CCDC116: variants seen among roughly 807,000 people sequenced by gnomAD.
The protein encoded by CCDC116 is coiled-coil domain containing 116, also known as coiled-coil domain-containing protein 116.
CCDC116 carries 24 observed loss-of-function variants against 29.4 expected under a neutral mutation model. That is an observed-to-expected ratio of 0.82 (90% CI 0.59 to 1.15). The LOEUF (loss-of-function observed/expected upper bound fraction) is 1.15. Among genes scored for constraint, CCDC116 ranks in the 50% most tolerant of loss-of-function variants. CCDC116 has a pLI of 0.00. For synonymous variants in CCDC116, 298 were observed against 331.4 expected (o/e 0.90, Z 1.10); for missense variants, 791 against 804.0 (o/e 0.98, Z 0.20).
At position 21,634,044 on chromosome 22, in the gene CCDC116, T is replaced by C; in HGVS notation, c.95T>C (p.Leu32Pro). The C allele has an allele frequency of 1.2e-6, 2 of 1,610,510 alleles. No homozygotes were observed. The highest frequency in any genetic ancestry group is 1.7e-6 in the Non-Finnish European group (2 of 1,178,020). Residue 32 changes from leucine to proline, a missense_variant, in exon 3 of 5, where the codon CTG becomes CCG. Leu to Pro is a moderately conservative substitution (Grantham distance 98, BLOSUM62 -3). Coordinates refer to ENST00000292779, the MANE Select transcript of CCDC116 (RefSeq NM_152612.3). Reference sequence around the variant, plus strand: ...CAGGTGCAGCTGCCCAAGAAGCCACTGGTCCCAGAAATGCGGCCAGCCTGC... The same window carrying C: ...CAGGTGCAGCTGCCCAAGAAGCCACCGGTCCCAGAAATGCGGCCAGCCTGC... Reference protein sequence around the residue: ...SARVQLPKKPLVPEMRPACKP... With the variant: ...SARVQLPKKPPVPEMRPACKP...
intron 4 of CCDC116, chr22:21,635,520 T>C: frequency 1.4e-6 from 1 of 703,128 alleles, no homozygotes; most frequent in South Asian, 1.5e-5. Context: ...TCCTGCTACC[T>C]TCTCCCTGAG....
Position 21,634,036 on chromosome 22 carries a change from G to T in CCDC116, c.87G>T (p.Lys29Asn), listed in dbSNP as rs773358111. 28 of 1,607,846 alleles carry T rather than the reference G, an allele frequency of 1.7e-5. No individual in the cohort carries two copies. In the Middle Eastern group the frequency reaches 5.2e-4, roughly 30 times the overall value. Residue 29 changes from lysine (K) to asparagine (N), a missense_variant, in exon 3 of 5, where the codon AAG (lysine) becomes AAT (asparagine). Physicochemically the swap from Lys to Asn is moderately conservative, Grantham distance 94 (BLOSUM62 0). Transcript: ENST00000292779. ...TGTCTGCTCAGGTGCAGCTGCCCAA[G>T]AAGCCACTGGTCCCAGAAATGCGGC... Reference protein sequence around the residue: ...SMCSARVQLPKKPLVPEMRPA... With the variant: ...SMCSARVQLPNKPLVPEMRPA...
intron 2 of CCDC116, among the ~76,000 whole-genome samples, chr22:21,633,607 G>A (rs1930642389): frequency 6.6e-6 from 1 of 152,192 alleles, no homozygotes; most frequent in South Asian, 2.1e-4. Flanking sequence ...GACCTCAGAT[G>A]TTGTTTGCAG....
Position 21,637,029 on chromosome 22 carries a change from G to C in CCDC116, c.1801G>C (p.Asp601His). The change falls in exon 5 of 5, where the codon GAT becomes CAT. Residue 601 changes from aspartate (D) to histidine (H), a missense_variant. By Grantham distance (81) the Asp-to-His change is moderately conservative. Transcript: ENST00000292779. ...AGATGAAGATGAGGATGAGTTCAAG[G>C]ATGAAGACCAGGATGAGGACAAGGA... ...IEDEDEDEFKDEDQDEDKDED... is the reference protein window; with the variant it reads ...IEDEDEDEFKHEDQDEDKDED... 1 of 1,613,270 alleles carries C rather than the reference G, an allele frequency of 6.2e-7. No homozygotes were observed. Among genetic ancestry groups the C allele is most frequent in the Non-Finnish European group, 8.5e-7 (1 of 1,180,008 alleles).
rs754312916 is a variant in CCDC116 at position 21,635,022 on chromosome 22, C to T, written c.959C>T (p.Ala320Val). 3.1e-6 allele frequency: 5 copies of T among 1,610,886 alleles called. No homozygotes were observed. Among genetic ancestry groups the T allele is most frequent in the South Asian group, 1.1e-5 (1 of 91,080 alleles). The change falls in exon 4 of 5, where the codon GCT (alanine) becomes GTT (valine). Residue 320 changes from alanine to valine, a missense_variant. By Grantham distance (64) the Ala-to-Val change is moderately conservative (BLOSUM62 0). Transcript: ENST00000292779. ...FPALQSVVSQ[A>V]VDKLRGAHCR... ...GCCCTGCAAAGCGTGGTCAGCCAGGCTGTGGATAAGCTCCGTGGCGCCCAC... is the reference window on the plus strand; with the variant it reads ...GCCCTGCAAAGCGTGGTCAGCCAGGTTGTGGATAAGCTCCGTGGCGCCCAC...
rs778835689 is a variant in CCDC116 at position 21,633,174 on chromosome 22, G to A, written c.-8G>A. The A allele has an allele frequency of 1.2e-5, 19 of 1,550,490 alleles. No individual in the cohort carries two copies. In the South Asian group the frequency reaches 1.7e-4, roughly 14 times the overall value. ...GGCAGCAGGCCCGGTCACCTGCCAG[G>A]TGACCACATGGCCAGGTGCCGCCAC... is the stretch of plus-strand genomic sequence containing the variant. On this transcript the variant is annotated 5_prime_UTR_variant, in exon 2 of 5. It adds an upstream start codon to the 5' untranslated region. Coordinates refer to ENST00000292779, the MANE Select transcript of CCDC116 (RefSeq NM_152612.3).
At chr22:21,636,291 C>A in intron 4 of CCDC116, 141 bp from the exon 5 acceptor site, 1 of 714,184 alleles carries the variant, frequency 1.4e-6, no homozygotes, top group Non-Finnish European at 2.3e-6. Context: ...GTGTTTGTCA[C>A]ACTAAGGGTA....
chr22:21,637,250 T>G lies in CCDC116; in HGVS notation c.*180T>G. The G allele has an allele frequency of 1.2e-6, 1 of 807,836 alleles. No homozygotes were observed. The highest frequency in any genetic ancestry group is 1.8e-6 in the Non-Finnish European group (1 of 551,026). 50.0% of individuals were successfully genotyped at this position (807,836 alleles called of 1,614,324 possible). A position where few individuals can be genotyped will look rare whatever the true frequency, so the allele number is the denominator to read the frequency against. The stretch of plus-strand genomic sequence containing the variant: ...CAGGCTGAATGCCCACGAGGAGCTC[T>G]GCTGAGACTCTCAAGGGAGCCAGTG... On this transcript the variant is annotated 3_prime_UTR_variant, in exon 5 of 5. Transcript: ENST00000292779.
At position 21,636,779 on chromosome 22, in the gene CCDC116, C is replaced by G; in HGVS notation, c.1551C>G (p.Ser517=). The change falls in exon 5 of 5, where the codon TCC becomes TCG. Residue 517 remains serine, a synonymous_variant. Coordinates refer to ENST00000292779, the MANE Select transcript of CCDC116 (RefSeq NM_152612.3). ...RARQASRLST[S]HCSTETPSVQ... is the part of the protein sequence containing the mutation. ...GGCAGGCCTCCCGGCTCAGCACCTC[C>G]CACTGCAGCACAGAGACACCCTCTG... 2 of 1,612,858 alleles carry G rather than the reference C, an allele frequency of 1.2e-6. No homozygotes were observed. The highest frequency in any genetic ancestry group is 1.7e-6 in the Non-Finnish European group (2 of 1,179,992).
At chr22:21,635,402 C>T in intron 4 of CCDC116, 136 bp downstream of exon 4, 1 of 829,260 alleles carries the variant, frequency 1.2e-6, no homozygotes, top group South Asian at 1.4e-5. Context: ...CTGGCAGGGC[C>T]TGCACCTCAC....
At chr22:21,636,374 G>C (rs1389902405) in intron 4 of CCDC116, 58 bp from the exon 5 acceptor site, 7 of 1,522,908 alleles carry the variant, frequency 4.6e-6, no homozygotes, top group Non-Finnish European at 6.2e-6. Context: ...GGGTGTCACA[G>C]AGGGATGGGG....
chr22:21,637,029 G>A lies in CCDC116; in HGVS notation c.1801G>A (p.Asp601Asn), dbSNP rs1311174989. The change falls in exon 5 of 5, where the codon GAT (aspartate) becomes AAT (asparagine). Residue 601 changes from aspartate to asparagine, a missense_variant. Asp to Asn is a conservative substitution (Grantham distance 23, BLOSUM62 1). Transcript: ENST00000292779. ...AGATGAAGATGAGGATGAGTTCAAGGATGAAGACCAGGATGAGGACAAGGA... is the reference window on the plus strand; with the variant it reads ...AGATGAAGATGAGGATGAGTTCAAGAATGAAGACCAGGATGAGGACAAGGA... ...IEDEDEDEFK[D>N]EDQDEDKDED... The A allele has an allele frequency of 6.2e-7, 1 of 1,613,270 alleles. No homozygotes were observed. The highest frequency in any genetic ancestry group is 1.1e-5 in the South Asian group (1 of 91,082).
Position 21,636,437 on chromosome 22 carries a change from C to A in CCDC116, c.1209C>A (p.Pro403=), listed in dbSNP as rs1174532090. 4 of 1,612,530 alleles carry A rather than the reference C, an allele frequency of 2.5e-6. No individual in the cohort carries two copies. The South Asian group carries it at 4.4e-5, about 18-fold the overall frequency. Reference sequence around the variant, plus strand: ...CCTCCCCGGCTGCTATGCAGAGCCCCTGCAGCAGCAGCAGGTTCACGAAGA... The same window carrying A: ...CCTCCCCGGCTGCTATGCAGAGCCCATGCAGCAGCAGCAGGTTCACGAAGA... The part of the protein sequence containing the change: ...QVATRFKLKS[P]CSSSRFTKKK... Residue 403 remains proline (P), a synonymous_variant, in exon 5 of 5, where the codon CCC becomes CCA. Transcript: ENST00000292779.
chr22:21,635,671 A>G, intron 4 of CCDC116: 3 of 645,526 alleles, frequency 4.6e-6, no homozygotes, highest in Non-Finnish European at 8.6e-6. Flanking sequence ...CAGGTGCTCA[A>G]GGTCAAGGTC....
chr22:21,634,140 A>G lies in CCDC116; in HGVS notation c.191A>G (p.Lys64Arg). ...GCACTCCAGGGCCAACGCCGAAACA[A>G]GAGGCACCCTCAGCCCTTTGGCCAC... Reference protein sequence around the residue: ...SSALQGQRRNKRHPQPFGHFL... With the variant: ...SSALQGQRRNRRHPQPFGHFL... Residue 64 changes from lysine (K) to arginine (R), a missense_variant, in exon 3 of 5, where the codon AAG becomes AGG. Coordinates refer to ENST00000292779, the MANE Select transcript of CCDC116 (RefSeq NM_152612.3). 6.2e-7 allele frequency: 1 copy of G among 1,614,270 alleles called. No homozygotes were observed. Among genetic ancestry groups the G allele is most frequent in the South Asian group, 1.1e-5 (1 of 91,090 alleles).
chr22:21,635,781 A>C (rs1930777354), intron 4 of CCDC116: 4 of 586,016 alleles, frequency 6.8e-6, no homozygotes, highest in Non-Finnish European at 3.0e-6. Context: ...CAGATAAATA[A>C]AGGCTATTTT....
chr22:21,636,505 A>T lies in CCDC116; in HGVS notation c.1277A>T (p.His426Leu). The change falls in exon 5 of 5, where the codon CAC (histidine) becomes CTC (leucine). Residue 426 changes from histidine (H) to leucine (L), a missense_variant. His to Leu is a moderately conservative substitution (Grantham distance 99). Coordinates refer to ENST00000292779, the MANE Select transcript of CCDC116 (RefSeq NM_152612.3). Reference sequence around the variant, plus strand: ...ATCTCGTCGAAGTCCAGCATGTCTCACTTCTCCAACCGCCTTTATGAGGAG... The same window carrying T: ...ATCTCGTCGAAGTCCAGCATGTCTCTCTTCTCCAACCGCCTTTATGAGGAG... ...PSISSKSSMS[H>L]FSNRLYEELA... 1 of 1,613,842 alleles carries T rather than the reference A, an allele frequency of 6.2e-7. No homozygotes were observed. Among genetic ancestry groups the T allele is most frequent in the East Asian group, 2.2e-5 (1 of 44,872 alleles).
At position 21,635,582 on chromosome 22, in the gene CCDC116, T is replaced by C. The variant is rs907901786; in HGVS notation, c.1203+316T>C. ...CGCCTCACTGTGTCCAGAGGTGACC[T>C]CCTCAAAAGTAGGACCGGGCATGAG... is the stretch of plus-strand genomic sequence containing the variant. On this transcript the variant is annotated intron_variant, in intron 4 of 4. Transcript: ENST00000292779. The C allele has an allele frequency of 4.3e-6, 3 of 703,018 alleles. No individual in the cohort carries two copies. The East Asian group carries it at 8.0e-5, about 19-fold the overall frequency. 43.5% of individuals were successfully genotyped at this position (703,018 alleles called of 1,614,324 possible). A position where few individuals can be genotyped will look rare whatever the true frequency, so the allele number is the denominator to read the frequency against.
chr22:21,635,160 C>T lies in CCDC116; in HGVS notation c.1097C>T (p.Pro366Leu), dbSNP rs553299459. Residue 366 changes from proline (P) to leucine (L), a missense_variant, in exon 4 of 5, where the codon CCC becomes CTC. By Grantham distance (98) the Pro-to-Leu change is moderately conservative (BLOSUM62 -3). Transcript: ENST00000292779. ...AATGGCGGGCAGCCCTATGCTTCCC[C>T]CCGCCCCACAGTCTCCAGCCCCAAG... The part of the protein sequence containing the change: ...PTNGGQPYAS[P>L]RPTVSSPKML... 2.1e-5 allele frequency: 34 copies of T among 1,601,848 alleles called. 1 individual carries two copies. In the South Asian group the frequency reaches 3.5e-4, roughly 17 times the overall value.
Sources: allele counts gnomAD v4.1 joint callset (sites outside exome capture counted in the v4.1 genomes callset), GRCh38; gene constraint gnomAD v4.1.1; transcripts MANE v1.5; gene names NCBI Gene and HGNC (gene_info 2026-07-23, HGNC 2026-07-21).